Variants in CHN1 observed in about 807,000 individuals in gnomAD.
CHN1 encodes the protein N-chimaerin.
CHN1 carries 37 observed loss-of-function variants against 59.5 expected under a neutral mutation model. The observed-to-expected ratio is 0.62, with a 90% CI of 0.48 to 0.82. The LOEUF (loss-of-function observed/expected upper bound fraction) is 0.82, where lower values mean the gene tolerates loss of function less well. Among genes scored for constraint, CHN1 ranks in the 40% least tolerant of loss-of-function variants. The probability of loss-of-function intolerance (pLI) is 0.00; values close to 1 mark genes in which losing one functional copy is unlikely to be tolerated. For synonymous variants in CHN1, 206 were observed against 200.4 expected (o/e 1.03, Z -0.24); for missense variants, 469 against 571.0 (o/e 0.82, Z 1.82).
intron 1 of CHN1, among the ~76,000 whole-genome samples, chr2:174,972,063 G>A (rs2105439024): frequency 6.6e-6 from 1 of 152,264 alleles, no homozygotes; most frequent in East Asian, 1.9e-4. Context: ...TAATAACCCT[G>A]AGGTATCTGG....
Position 174,809,163 on chromosome 2 carries a change from A to G in CHN1, c.965-121T>C, listed in dbSNP as rs576403186. 742 of 907,628 alleles carry G rather than the reference A, an allele frequency of 8.2e-4. 4 individuals carry two copies. In the African/African-American group the frequency reaches 0.012, roughly 14 times the overall value. 56.2% of individuals were successfully genotyped at this position (907,628 alleles called of 1,614,324 possible). A position where few individuals can be genotyped will look rare whatever the true frequency, so the allele number is the denominator to read the frequency against. ...TTAGCAATTCTTCAGTTTTTAACGTAAAATTTAGTGTGCTACGTTACATAT... is the reference window on the plus strand; with the variant it reads ...TTAGCAATTCTTCAGTTTTTAACGTGAAATTTAGTGTGCTACGTTACATAT... On this transcript the variant is annotated intron_variant, in intron 10 of 12. Transcript: ENST00000409900.
intron 5 of CHN1, among the ~76,000 whole-genome samples, chr2:174,891,140 C>CAAAAAAAA (rs58016502): frequency 1.9e-3 from 46 of 24,370 alleles, no homozygotes; most frequent in Non-Finnish European, 2.2e-3. Flanking sequence ...GACTCCATCT[C>CAAAAAAAA]AAAAAAAAAA....
intron 5 of CHN1, among the ~76,000 whole-genome samples, chr2:174,896,142 A>G (rs557663240): frequency 6.6e-6 from 1 of 152,010 alleles, no homozygotes; most frequent in Non-Finnish European, 1.5e-5. Flanking sequence ...TCCTTTATAT[A>G]TAAGATCTAC....
chr2:174,866,676 ATTATGGAAATCC>A (rs1477215621), intron 6 of CHN1, among the ~76,000 whole-genome samples: 1 of 152,230 alleles, frequency 6.6e-6, no homozygotes, highest in Non-Finnish European at 1.5e-5. Flanking sequence ...GCAGATGGAA[ATTATGGAAATCC>A]TTTCCTCTCA....
intron 7 of CHN1, among the ~76,000 whole-genome samples, chr2:174,829,323 T>A (rs1456788675): frequency 3.3e-5 from 5 of 152,202 alleles, no homozygotes; most frequent in Admixed American, 3.3e-4. Flanking sequence ...GGGTGGGCTA[T>A]TGAGGGGCCC....
intron 7 of CHN1, chr2:174,837,146 G>C (rs1435756257): frequency 6.6e-6 from 1 of 152,204 alleles, no homozygotes; most frequent in Non-Finnish European, 1.5e-5. Flanking sequence ...CATGGTAACA[G>C]ATTAAGAAAA....
intron 6 of CHN1, among the ~76,000 whole-genome samples, chr2:174,857,593 A>T (rs1686944318): frequency 1.3e-5 from 2 of 152,188 alleles, no homozygotes. Flanking sequence ...TTTGGTTACC[A>T]GGAATGATGG....
chr2:174,908,487 G>C (rs935242804), intron 5 of CHN1, among the ~76,000 whole-genome samples: 5 of 152,088 alleles, frequency 3.3e-5, no homozygotes, highest in Non-Finnish European at 7.3e-5. Context: ...TGAAATTCTA[G>C]GCTCTCCTGG....
chr2:174,999,330 T>C (rs1176652293), intron 1 of CHN1, among the ~76,000 whole-genome samples: 1 of 152,182 alleles, frequency 6.6e-6, no homozygotes, highest in Non-Finnish European at 1.5e-5. Context: ...TAAAGTCTTC[T>C]AAAGATGCTG....
At chr2:174,858,779 A>G (rs1686981288) in intron 6 of CHN1, among the ~76,000 whole-genome samples, 1 of 152,080 alleles carries the variant, frequency 6.6e-6, no homozygotes, top group Non-Finnish European at 1.5e-5. Flanking sequence ...TGTGTCCCAT[A>G]TGGAACTCAG....
chr2:174,923,914 T>C (rs1689088710), intron 3 of CHN1, among the ~76,000 whole-genome samples: 1 of 152,316 alleles, frequency 6.6e-6, no homozygotes, highest in South Asian at 2.1e-4. Flanking sequence ...TTATATATAA[T>C]GAGCACTATA....
intron 8 of CHN1, among the ~76,000 whole-genome samples, chr2:174,813,642 C>A (rs1220054216): frequency 6.6e-6 from 1 of 152,036 alleles, no homozygotes; most frequent in Non-Finnish European, 1.5e-5. Flanking sequence ...TAAACCATAC[C>A]TAAATAATTC....
intron 1 of CHN1, among the ~76,000 whole-genome samples, chr2:174,952,486 GAAGT>G (rs1195594878): frequency 6.6e-6 from 1 of 152,120 alleles, no homozygotes; most frequent in Admixed American, 6.5e-5. Flanking sequence ...TACTATCACT[GAAGT>G]AATAGTCAAT....
chr2:174,877,394 A>G (rs1022805828), intron 6 of CHN1, among the ~76,000 whole-genome samples: 1 of 152,118 alleles, frequency 6.6e-6, no homozygotes, highest in Non-Finnish European at 1.5e-5. Context: ...ACACACACAT[A>G]ATATACACAC....
At chr2:174,966,911 A>G (rs1158002007) in intron 1 of CHN1, among the ~76,000 whole-genome samples, 1 of 152,156 alleles carries the variant, frequency 6.6e-6, no homozygotes, top group South Asian at 2.1e-4. Flanking sequence ...ACTGGTTCCC[A>G]TTTGGATTTT....
At chr2:174,916,988 T>TA (rs926276811) in intron 4 of CHN1, among the ~76,000 whole-genome samples, 5 of 152,176 alleles carry the variant, frequency 3.3e-5, no homozygotes, top group African/African-American at 1.2e-4. Context: ...GGTCAGGAGT[T>TA]AGAGACTAGC....
chr2:174,874,439 G>A (rs1687498515), intron 6 of CHN1, among the ~76,000 whole-genome samples: 1 of 152,134 alleles, frequency 6.6e-6, no homozygotes, highest in African/African-American at 2.4e-5. Context: ...AACTGAAATA[G>A]TTAATGAGAA....
At chr2:174,810,237 T>C (rs1685027511) in intron 10 of CHN1, among the ~76,000 whole-genome samples, 1 of 152,254 alleles carries the variant, frequency 6.6e-6, no homozygotes, top group South Asian at 2.1e-4. Context: ...ACTGGTTTCC[T>C]GTAATCCATG....
At position 174,881,940 on chromosome 2, in the gene CHN1, G is replaced by A. The variant is rs182664785; in HGVS notation, c.261-3812C>T. ...TGAGAGATTTACATATATTGAAAGC[G>A]GGACATATTAAGTGGACCTAGTGAC... On this transcript the variant is annotated intron_variant, in intron 5 of 12. Transcript: ENST00000409900. Among the ~76,000 whole-genome samples the A allele has an allele frequency of 4.6e-5, 7 of 152,288 alleles. No individual in the cohort carries two copies. In the East Asian group the frequency reaches 9.6e-4, roughly 21 times the overall value.
Sources: allele counts gnomAD v4.1 joint callset (sites outside exome capture counted in the v4.1 genomes callset), GRCh38; gene constraint gnomAD v4.1.1; transcripts MANE v1.5; gene names NCBI Gene and HGNC (gene_info 2026-07-23, HGNC 2026-07-21).